TRABD2B: variants seen among roughly 807,000 people sequenced by gnomAD.
The protein encoded by TRABD2B is metalloprotease TIKI2.
In TRABD2B, 14 loss-of-function variants were observed where a neutral mutation model predicts 40.1. The ratio of observed to expected loss-of-function variants is 0.35; its 90% CI spans 0.23 to 0.55. The LOEUF is 0.55. Among genes scored for constraint, TRABD2B ranks in the 20% least tolerant of loss-of-function variants. The pLI is 0.90. For synonymous variants in TRABD2B, 263 were observed against 277.0 expected (o/e 0.95, Z 0.50); for missense variants, 541 against 648.6 (o/e 0.83, Z 1.80).
At position 47,932,898 on chromosome 1, in the gene TRABD2B, G is replaced by A. The variant is rs564256551; in HGVS notation, c.666+61136C>T. Among the ~76,000 whole-genome samples the A allele has an allele frequency of 2.6e-5, 4 of 152,320 alleles. 1 individual carries two copies. Among genetic ancestry groups the A allele is most frequent in the African/African-American group, 9.6e-5 (4 of 41,578 alleles). On this transcript the variant is annotated intron_variant, in intron 2 of 6. Transcript: ENST00000606738. ...GTTCAAAGAACGGGTGGCTCTTACAGCAGTTGATACTGGGGTTCTTGGTCC... is the reference window on the plus strand; with the variant it reads ...GTTCAAAGAACGGGTGGCTCTTACAACAGTTGATACTGGGGTTCTTGGTCC...
intron 2 of TRABD2B, among the ~76,000 whole-genome samples, chr1:47,868,380 G>A (rs1004647080): frequency 6.6e-6 from 1 of 152,202 alleles, no homozygotes; most frequent in African/African-American, 2.4e-5. Flanking sequence ...AGAGAATGAG[G>A]TCATGGTTGG....
In TRABD2B at chr1:47,764,155, C is replaced by G. The variant is rs909569126; in HGVS notation, c.*1747G>C. On this transcript the variant is annotated 3_prime_UTR_variant, in exon 7 of 7. Transcript: ENST00000606738. ...CAAGCTGGGCAAGATGGCACTGGGG[C>G]CAATTAGCTGCCATCAAGCCTGCCA... The G allele has an allele frequency of 6.6e-6, 1 of 152,256 alleles. No homozygotes were observed. The highest frequency in any genetic ancestry group is 2.4e-5 in the African/African-American group (1 of 41,460). The allele number at this position is 152,256 out of a possible 1,614,324, so 9.4% of individuals were successfully genotyped here. A position where few individuals can be genotyped will look rare whatever the true frequency, so the allele number is the denominator to read the frequency against.
chr1:47,841,904 T>C lies in TRABD2B; in HGVS notation c.667-40285A>G, dbSNP rs185825564. On this transcript the variant is annotated intron_variant, in intron 2 of 6. Coordinates refer to ENST00000606738, the MANE Select transcript of TRABD2B (RefSeq NM_001194986.2). ...TCTCTGCCTCAGCTTCCTGAGTAGC[T>C]GGGATTACAGGCACCTGCCACCATG... Among the ~76,000 whole-genome samples the C allele has an allele frequency of 1.1e-4, 17 of 151,882 alleles. No individual in the cohort carries two copies. The East Asian group carries it at 2.9e-3, about 26-fold the overall frequency.
intron 6 of TRABD2B, among the ~76,000 whole-genome samples, chr1:47,767,140 C>G (rs1644315458): frequency 6.6e-6 from 1 of 152,196 alleles, no homozygotes; most frequent in African/African-American, 2.4e-5. Context: ...GGTCAGGAGG[C>G]TGACAGGAGA....
intron 2 of TRABD2B, among the ~76,000 whole-genome samples, chr1:47,803,183 C>A (rs933766108): frequency 1.3e-5 from 2 of 152,258 alleles, no homozygotes; most frequent in South Asian, 2.1e-4. Flanking sequence ...AGGCCCCTCA[C>A]TGGGGGTCCC....
intron 2 of TRABD2B, among the ~76,000 whole-genome samples, chr1:47,937,474 C>A (rs1645128404): frequency 6.6e-6 from 1 of 151,972 alleles, no homozygotes; most frequent in Non-Finnish European, 1.5e-5. Flanking sequence ...ACCACTGTCA[C>A]TATCATCACC....
chr1:47,978,525 G>A (rs907082754), intron 2 of TRABD2B, among the ~76,000 whole-genome samples: 4 of 152,108 alleles, frequency 2.6e-5, no homozygotes, highest in African/African-American at 4.8e-5. Flanking sequence ...GTGGTATCCC[G>A]ACCCGAATGA....
chr1:47,859,930 T>G (rs1452718332), intron 2 of TRABD2B, among the ~76,000 whole-genome samples: 1 of 152,200 alleles, frequency 6.6e-6, no homozygotes, highest in Non-Finnish European at 1.5e-5. Context: ...TTAGTCCTGT[T>G]GACAGATGTG....
chr1:47,922,123 G>T (rs1014589761), intron 2 of TRABD2B, among the ~76,000 whole-genome samples: 2 of 152,278 alleles, frequency 1.3e-5, no homozygotes, highest in Admixed American at 1.3e-4. Context: ...TGTTTAGCCA[G>T]CGGGATGATT....
intron 2 of TRABD2B, among the ~76,000 whole-genome samples, chr1:47,927,891 T>G (rs1215989364): frequency 2.6e-5 from 4 of 151,914 alleles, no homozygotes; most frequent in Non-Finnish European, 4.4e-5. Flanking sequence ...CCAACAAGAG[T>G]CAATCTTTCT....
At chr1:47,798,675 G>A (rs1053129789) in intron 3 of TRABD2B, among the ~76,000 whole-genome samples, 3 of 152,126 alleles carry the variant, frequency 2.0e-5, no homozygotes, top group African/African-American at 4.8e-5. Context: ...TCCAGCTTGC[G>A]CTCTCCACCC....
At chr1:47,881,224 T>C (rs763853780) in intron 2 of TRABD2B, among the ~76,000 whole-genome samples, 2 of 152,166 alleles carry the variant, frequency 1.3e-5, no homozygotes, top group Non-Finnish European at 2.9e-5. Flanking sequence ...AGCACAGGCC[T>C]ACATGAGGCA....
intron 4 of TRABD2B, among the ~76,000 whole-genome samples, chr1:47,789,621 C>CT (rs1644643406): frequency 1.3e-5 from 2 of 152,190 alleles, no homozygotes; most frequent in South Asian, 4.1e-4. Flanking sequence ...TCCTCTTCCT[C>CT]TGTGGATGAC....
chr1:47,900,872 A>C (rs924252813), intron 2 of TRABD2B, among the ~76,000 whole-genome samples: 1 of 152,132 alleles, frequency 6.6e-6, no homozygotes, highest in African/African-American at 2.4e-5. Context: ...CTGCTCTCTC[A>C]ATCCAAGCAC....
intron 4 of TRABD2B, among the ~76,000 whole-genome samples, chr1:47,789,759 G>A (rs1337593292): frequency 6.6e-6 from 1 of 152,050 alleles, no homozygotes; most frequent in Non-Finnish European, 1.5e-5. Context: ...CAGGTGAAGA[G>A]GTGTCTTCCT....
chr1:47,788,564 G>T (rs539245002), intron 4 of TRABD2B, among the ~76,000 whole-genome samples: 17 of 152,316 alleles, frequency 1.1e-4, no homozygotes, highest in Admixed American at 1.1e-3. Flanking sequence ...GTCCTGCGAA[G>T]AGTGATTTCC....
At chr1:47,932,390 G>T (rs1479657007) in intron 2 of TRABD2B, among the ~76,000 whole-genome samples, 1 of 152,180 alleles carries the variant, frequency 6.6e-6, no homozygotes, top group Non-Finnish European at 1.5e-5. Flanking sequence ...TAGTGATAAG[G>T]ATTGGATTGA....
At chr1:47,808,404 AAT>A (rs1644920581) in intron 2 of TRABD2B, among the ~76,000 whole-genome samples, 1 of 152,190 alleles carries the variant, frequency 6.6e-6, no homozygotes, top group East Asian at 1.9e-4. Context: ...ACTAATACAG[AAT>A]ATGTTATAGA....
At chr1:47,841,786 CT>C (rs780669674) in intron 2 of TRABD2B, among the ~76,000 whole-genome samples, 111 of 136,418 alleles carry the variant, frequency 8.1e-4, no homozygotes, top group Middle Eastern at 3.9e-3. Flanking sequence ...TTTTCTTTTT[CT>C]TTTTTTTTTT....
Sources: allele counts gnomAD v4.1 joint callset (sites outside exome capture counted in the v4.1 genomes callset), GRCh38; gene constraint gnomAD v4.1.1; transcripts MANE v1.5; gene names NCBI Gene and HGNC (gene_info 2026-07-23, HGNC 2026-07-21).